Variants in RBFOX1 observed in about 807,000 individuals in gnomAD.
RBFOX1 encodes RNA binding protein fox-1 homolog 1.
Under a neutral mutation model 57.7 loss-of-function variants are expected in RBFOX1, and 8 were observed. That is an observed-to-expected ratio of 0.14 (90% CI 0.08 to 0.25). The LOEUF is 0.25. Ranked by LOEUF, RBFOX1 falls within the 10% of genes least tolerant of loss-of-function variation. The pLI is 1.00. For synonymous variants in RBFOX1, 326 were observed against 222.4 expected (o/e 1.47, Z -4.15); for missense variants, 611 against 548.5 (o/e 1.11, Z -1.14).
chr16:6,907,457 G>A (rs1242314536), intron 3 of RBFOX1, among the ~76,000 whole-genome samples: 2 of 152,204 alleles, frequency 1.3e-5, no homozygotes, highest in African/African-American at 4.8e-5. Context: ...ATCGTCTTGT[G>A]TTCTGAAGGC....
At chr16:7,207,925 T>C (rs10153200) in intron 4 of RBFOX1, among the ~76,000 whole-genome samples, 101,430 of 152,106 alleles carry the variant, frequency 0.67, 35,159 homozygotes, top group African/African-American at 0.86. Flanking sequence ...ATCCTCTCCT[T>C]CCTCTCAATC....
At chr16:5,523,644 CAG>C (rs2044116504) in intron 2 of RBFOX1, among the ~76,000 whole-genome samples, 1 of 149,384 alleles carries the variant, frequency 6.7e-6, no homozygotes, top group South Asian at 2.2e-4. Context: ...AACAAACAAA[CAG>C]AAACAAACAA....
intron 14 of RBFOX1, among the ~76,000 whole-genome samples, chr16:7,687,604 C>G (rs187073452): frequency 6.6e-6 from 1 of 151,816 alleles, no homozygotes; most frequent in Non-Finnish European, 1.5e-5. Context: ...CCATATGGCA[C>G]GTCTAGCAAT....
chr16:6,656,144 G>C (rs867372443), intron 3 of RBFOX1, among the ~76,000 whole-genome samples: 1 of 152,128 alleles, frequency 6.6e-6, no homozygotes, highest in Non-Finnish European at 1.5e-5. Flanking sequence ...TGCTGCTTAG[G>C]TGAAGCGTGT....
intron 3 of RBFOX1, among the ~76,000 whole-genome samples, chr16:6,764,652 A>C (rs145813383): frequency 6.6e-6 from 1 of 152,142 alleles, no homozygotes. Flanking sequence ...GAGTAAATGC[A>C]TGGGCTGGGT....
chr16:6,660,271 G>A lies in RBFOX1; in HGVS notation c.-16+5621G>A, dbSNP rs567151931. 2.0e-4 allele frequency among the ~76,000 whole-genome samples: 31 copies of A among 151,344 alleles called. 1 individual carries two copies. The highest frequency in any genetic ancestry group is 3.7e-4 in the Non-Finnish European group (25 of 67,884). ...GAAATTCTTGCTTAAAGAGTATTAC[G>A]GAAAATAGCTAATGCATGCTGGGCT... On this transcript the variant is annotated intron_variant, in intron 3 of 15. Transcript: ENST00000550418.
At chr16:7,167,423 A>G (rs893769891) in intron 4 of RBFOX1, among the ~76,000 whole-genome samples, 13 of 152,092 alleles carry the variant, frequency 8.5e-5, no homozygotes, top group Non-Finnish European at 1.8e-4. Flanking sequence ...AGAGACTCAG[A>G]GGAGAAGGCC....
rs150492447 is a variant in RBFOX1 at position 6,825,904 on chromosome 16, T to C, written c.-16+171254T>C. ...GTAGGTGGCAGCAAGACTTTAGGAA[T>C]CGTGTGACTTTAAATTCAAATCCTG... On this transcript the variant is annotated intron_variant, in intron 3 of 15. Coordinates refer to ENST00000550418, the MANE Select transcript of RBFOX1 (RefSeq NM_018723.4). Among the ~76,000 whole-genome samples the C allele has an allele frequency of 2.2e-3, 340 of 152,288 alleles. 1 individual carries two copies. The highest frequency in any genetic ancestry group is 7.8e-3 in the African/African-American group (324 of 41,574).
intron 2 of RBFOX1, among the ~76,000 whole-genome samples, chr16:6,646,418 C>G (rs571274239): frequency 2.6e-5 from 4 of 152,018 alleles, no homozygotes; most frequent in Non-Finnish European, 5.9e-5. Context: ...ATTGAATAAT[C>G]TTAGGGAAAT....
intron 3 of RBFOX1, among the ~76,000 whole-genome samples, chr16:5,684,341 T>C (rs2050438150): frequency 6.6e-6 from 1 of 152,186 alleles, no homozygotes; most frequent in African/African-American, 2.4e-5. Context: ...GAACCCTGAC[T>C]AATACAGCTG....
chr16:6,457,438 T>TGCCC lies in RBFOX1; in HGVS notation c.-64+140381_-64+140382insGCCC, dbSNP rs757540836. On this transcript the variant is annotated intron_variant, in intron 2 of 15. Transcript: ENST00000550418. ...TCTGGTGACTGTGAATTTCCGGAAG[T>TGCCC]CCCCCCCCCCGCAATAGCTTTGATT... Among the ~76,000 whole-genome samples the TGCCC allele has an allele frequency of 5.9e-4, 32 of 54,276 alleles. 2 individuals carry two copies. In the East Asian group the frequency reaches 0.018, roughly 31 times the overall value. The allele number at this position is 54,276 out of a possible 152,430, so 35.6% of individuals were successfully genotyped here. A position where few individuals can be genotyped will look rare whatever the true frequency, so the allele number is the denominator to read the frequency against.
intron 4 of RBFOX1, among the ~76,000 whole-genome samples, chr16:5,949,519 C>G (rs2059475259): frequency 9.5e-6 from 1 of 105,670 alleles, no homozygotes; most frequent in Admixed American, 1.2e-4. Context: ...GTGCGAGAGT[C>G]CATCTCAAAA....
intron 4 of RBFOX1, among the ~76,000 whole-genome samples, chr16:7,222,342 A>C (rs566830026): frequency 5.8e-4 from 88 of 152,358 alleles, no homozygotes; most frequent in African/African-American, 2.1e-3. Context: ...TTGGCTATAT[A>C]GGTAGTTTAT....
chr16:7,696,445 A>G (rs973286751), intron 14 of RBFOX1, among the ~76,000 whole-genome samples: 1 of 152,074 alleles, frequency 6.6e-6, no homozygotes, highest in African/African-American at 2.4e-5. Flanking sequence ...TTCATTAGGA[A>G]TTTTCCAGGG....
At chr16:7,140,438 T>C (rs2073452770) in intron 4 of RBFOX1, among the ~76,000 whole-genome samples, 1 of 152,074 alleles carries the variant, frequency 6.6e-6, no homozygotes, top group Non-Finnish European at 1.5e-5. Context: ...ATTGTCTAAC[T>C]TCCCAAATAT....
intron 3 of RBFOX1, among the ~76,000 whole-genome samples, chr16:6,777,034 C>A (rs1424578894): frequency 6.6e-6 from 1 of 152,100 alleles, no homozygotes; most frequent in Admixed American, 6.6e-5. Flanking sequence ...TAATTGAAGG[C>A]ACATTAATCT....
chr16:6,484,229 G>T (rs955880534), intron 2 of RBFOX1, among the ~76,000 whole-genome samples: 3 of 152,210 alleles, frequency 2.0e-5, no homozygotes, highest in Non-Finnish European at 4.4e-5. Flanking sequence ...AGAGGTTTAT[G>T]AAATGAATGG....
chr16:7,601,817 A>T (rs749331769), intron 9 of RBFOX1, among the ~76,000 whole-genome samples: 1 of 152,198 alleles, frequency 6.6e-6, no homozygotes, highest in African/African-American at 2.4e-5. Context: ...CCGATGTTTC[A>T]AGAGAAATAG....
intron 3 of RBFOX1, among the ~76,000 whole-genome samples, chr16:6,784,357 C>G (rs78172654): frequency 0.037 from 5,669 of 152,122 alleles, 359 homozygotes; most frequent in African/African-American, 0.13. Context: ...TCTCTTTGAG[C>G]TCACTGATTC....
Sources: allele counts gnomAD v4.1 joint callset (sites outside exome capture counted in the v4.1 genomes callset), GRCh38; gene constraint gnomAD v4.1.1; transcripts MANE v1.5; gene names NCBI Gene and HGNC (gene_info 2026-07-23, HGNC 2026-07-21).